ANK2: variants seen among roughly 807,000 people sequenced by gnomAD.
ANK2 encodes the protein ankyrin 2, also known as ankyrin-2.
A neutral mutation model predicts 360.5 loss-of-function variants in ANK2; 83 were observed. The ratio of observed to expected loss-of-function variants is 0.23; its 90% CI spans 0.19 to 0.28. ANK2 has a LOEUF of 0.28. ANK2 is among the 10% of genes least tolerant of loss of function. The probability of loss-of-function intolerance (pLI) is 1.00; values close to 1 mark genes in which losing one functional copy is unlikely to be tolerated. For synonymous variants in ANK2, 1,740 were observed against 1,759.5 expected (o/e 0.99, Z 0.28); for missense variants, 4,201 against 4,795.7 (o/e 0.88, Z 3.66).
intron 2 of ANK2, among the ~76,000 whole-genome samples, chr4:112,996,900 C>T (rs747616322): frequency 3.0e-4 from 46 of 152,060 alleles, no homozygotes; most frequent in Non-Finnish European, 5.1e-4. Flanking sequence ...TCCCCAGCCC[C>T]CTACTACCTT....
chr4:113,173,455 T>A (rs1268132412), intron 1 of ANK2, among the ~76,000 whole-genome samples: 1 of 152,200 alleles, frequency 6.6e-6, no homozygotes, highest in Non-Finnish European at 1.5e-5. Flanking sequence ...TCCCTTTTCA[T>A]GCCTCCATTT....
chr4:113,317,051 G>C (rs1015517935), intron 24 of ANK2, among the ~76,000 whole-genome samples: 4 of 152,106 alleles, frequency 2.6e-5, no homozygotes. Flanking sequence ...CATGCAAAGG[G>C]GACAGTGCTC....
intron 2 of ANK2, among the ~76,000 whole-genome samples, chr4:113,180,483 C>T (rs996874477): frequency 6.6e-6 from 1 of 152,080 alleles, no homozygotes; most frequent in East Asian, 1.9e-4. Flanking sequence ...AGCACTGATT[C>T]GCACAAGCAG....
At chr4:112,731,586 G>A in the ANK2 span, among the ~76,000 whole-genome samples, 1 of 151,688 alleles carries the variant, frequency 6.6e-6, no homozygotes, top group African/African-American at 2.4e-5. Context: ...CAAAAATTGT[G>A]GGGTGTGTGT....
At chr4:112,768,054 G>A in the ANK2 span, among the ~76,000 whole-genome samples, 1 of 152,216 alleles carries the variant, frequency 6.6e-6, no homozygotes, top group African/African-American at 2.4e-5. Flanking sequence ...GGAAGACGAA[G>A]TTGATATGCA....
At chr4:113,096,533 G>C (rs991462824) in intron 1 of ANK2, among the ~76,000 whole-genome samples, 1 of 152,072 alleles carries the variant, frequency 6.6e-6, no homozygotes, top group African/African-American at 2.4e-5. Flanking sequence ...ACAAAAAGTG[G>C]ATAGCAGTAT....
At chr4:113,036,136 A>G (rs2061538092) in intron 2 of ANK2, among the ~76,000 whole-genome samples, 1 of 151,838 alleles carries the variant, frequency 6.6e-6, no homozygotes, top group Non-Finnish European at 1.5e-5. Context: ...AGACAGCTAC[A>G]TTACATTTTG....
intron 5 of ANK2, among the ~76,000 whole-genome samples, chr4:113,233,862 A>G (rs941999658): frequency 6.6e-6 from 1 of 152,182 alleles, no homozygotes; most frequent in Non-Finnish European, 1.5e-5. Flanking sequence ...TCACTTGGAT[A>G]TAGTGTGATT....
chr4:113,089,691 G>T (rs2086759845), intron 1 of ANK2, among the ~76,000 whole-genome samples: 1 of 152,090 alleles, frequency 6.6e-6, no homozygotes, highest in Non-Finnish European at 1.5e-5. Context: ...TGGATGTGTT[G>T]GTGCATGCCA....
chr4:113,243,735 A>T (rs543326875), intron 9 of ANK2, among the ~76,000 whole-genome samples: 103 of 152,308 alleles, frequency 6.8e-4, no homozygotes, highest in African/African-American at 2.5e-3. Flanking sequence ...TTTGCACATT[A>T]CTACATTACT....
intron 1 of ANK2, among the ~76,000 whole-genome samples, chr4:112,871,997 A>G (rs907997394): frequency 6.7e-5 from 10 of 150,316 alleles, no homozygotes; most frequent in Non-Finnish European, 1.2e-4. Context: ...TTGGTTTGCT[A>G]GTATTTTATT....
chr4:113,345,762 G>T, intron 34 of ANK2, 138 bp from the exon 35 acceptor site: 4 of 1,231,450 alleles, frequency 3.2e-6, no homozygotes, highest in Non-Finnish European at 4.6e-6. Context: ...ATGGTAATAG[G>T]AAAAGAGAAA....
At chr4:112,921,034 G>A (rs112220498) in intron 2 of ANK2, among the ~76,000 whole-genome samples, 4 of 149,318 alleles carry the variant, frequency 2.7e-5, no homozygotes, top group East Asian at 1.9e-4. Flanking sequence ...ATAATTTTAT[G>A]TATTATTTTC....
chr4:113,074,822 T>A (rs1339611272), intron 1 of ANK2, among the ~76,000 whole-genome samples: 2 of 152,196 alleles, frequency 1.3e-5, no homozygotes, highest in African/African-American at 4.8e-5. Flanking sequence ...AATATGTAAT[T>A]TCAGCTAGCT....
the ANK2 span, among the ~76,000 whole-genome samples, chr4:112,752,915 C>T: frequency 6.6e-6 from 1 of 152,212 alleles, no homozygotes; most frequent in Non-Finnish European, 1.5e-5. Flanking sequence ...ATCCTCCCAC[C>T]TCAGGCTCCC....
the ANK2 span, among the ~76,000 whole-genome samples, chr4:112,791,549 C>T: frequency 2.8e-5 from 4 of 143,070 alleles, no homozygotes; most frequent in South Asian, 6.6e-4. Flanking sequence ...AGTGCTGTGG[C>T]GCGATCTTAG....
the ANK2 span, among the ~76,000 whole-genome samples, chr4:112,791,488 T>C: frequency 0.016 from 2,300 of 139,774 alleles, 49 homozygotes; most frequent in African/African-American, 0.054. Context: ...TCTTTTTTTT[T>C]TTTTTTTTTT....
At chr4:112,988,887 C>G (rs1214866584) in intron 2 of ANK2, among the ~76,000 whole-genome samples, 2 of 151,696 alleles carry the variant, frequency 1.3e-5, no homozygotes, top group Non-Finnish European at 2.9e-5. Context: ...TTCTGGGTAA[C>G]CCAAATGGTA....
chr4:112,995,873 A>G (rs1171699515), intron 2 of ANK2, among the ~76,000 whole-genome samples: 1 of 151,976 alleles, frequency 6.6e-6, no homozygotes, highest in East Asian at 1.9e-4. Context: ...ATTCTTTGGA[A>G]CTCTCATACA....
Sources: allele counts gnomAD v4.1 joint callset (sites outside exome capture counted in the v4.1 genomes callset), GRCh38; gene constraint gnomAD v4.1.1; transcripts MANE v1.5; gene names NCBI Gene and HGNC (gene_info 2026-07-23, HGNC 2026-07-21).